Variants in MS4A15 observed in about 807,000 individuals in gnomAD.
MS4A15 encodes the protein membrane-spanning 4-domains subfamily A member 15.
MS4A15 carries 22 observed loss-of-function variants against 20.6 expected under a neutral mutation model. The observed-to-expected ratio is 1.07, with a 90% CI of 0.76 to 1.52. MS4A15 has a LOEUF of 1.52. Ranked by LOEUF, MS4A15 falls within the 40% of genes most tolerant of loss-of-function variation. MS4A15 has a pLI of 0.00. For synonymous variants in MS4A15, 129 were observed against 129.3 expected, an observed-to-expected ratio of 1.00 and a Z score of 0.02; for missense variants, 312 against 323.0, an observed-to-expected ratio of 0.97 and a Z score of 0.26.
intron 2 of MS4A15, among the ~76,000 whole-genome samples, chr11:60,766,656 A>C (rs753234491): frequency 2.4e-4 from 37 of 152,236 alleles, no homozygotes; most frequent in Non-Finnish European, 5.3e-4. Context: ...AGAGAAAAAG[A>C]AGCTGAAGAT....
intron 2 of MS4A15, 64 bp downstream of exon 2, chr11:60,764,022 T>C (rs1377994965): frequency 5.5e-6 from 8 of 1,445,596 alleles, no homozygotes; most frequent in African/African-American, 2.8e-5. Context: ...GGAACATTCA[T>C]GCATGTTTTG....
Position 60,759,002 on chromosome 11 carries a change from G to A in MS4A15, c.-29+1944G>A, listed in dbSNP as rs181437142. Among the ~76,000 whole-genome samples, 59 of 152,312 alleles carry A rather than the reference G, an allele frequency of 3.9e-4. No homozygotes were observed. The East Asian group carries it at 4.2e-3, about 11-fold the overall frequency. On this transcript the variant is annotated intron_variant, in intron 1 of 6. Transcript: ENST00000405633. ...ACATAGTTAGTGATTCCGCTTATGCGGTGTGTAGTATTACTCATTTAGATC... is the reference window on the plus strand; with the variant it reads ...ACATAGTTAGTGATTCCGCTTATGCAGTGTGTAGTATTACTCATTTAGATC...
Position 60,757,066 on chromosome 11 carries a change from A to T in MS4A15, c.-29+8A>T, listed in dbSNP as rs976110456. 8 of 152,240 alleles carry T rather than the reference A, an allele frequency of 5.3e-5. No individual in the cohort carries two copies. The highest frequency in any genetic ancestry group is 1.7e-4 in the African/African-American group (7 of 41,458). 9.4% of individuals were successfully genotyped at this position (152,240 alleles called of 1,614,324 possible). A position where few individuals can be genotyped will look rare whatever the true frequency, so the allele number is the denominator to read the frequency against. ...AATTTTCGGGGAATCCCGGTAAGGG[A>T]CAGTCCTGACTCCCGTCAGGAGGAT... On this transcript the variant is annotated splice_region_variant and intron_variant, in intron 1 of 6. Transcript: ENST00000405633.
chr11:60,770,651 T>C (rs972930913), intron 3 of MS4A15, among the ~76,000 whole-genome samples: 2 of 151,856 alleles, frequency 1.3e-5, no homozygotes, highest in East Asian at 3.9e-4. Flanking sequence ...CTGGTCTGCC[T>C]TATTCAACTC....
chr11:60,765,118 T>C (rs984249270), intron 2 of MS4A15, among the ~76,000 whole-genome samples: 1 of 152,130 alleles, frequency 6.6e-6, no homozygotes, highest in Non-Finnish European at 1.5e-5. Context: ...TCTGCCTTAT[T>C]TGGGCATGAT....
rs12363342 is a variant in MS4A15, at chr11:60,763,791, A to G, written c.58A>G (p.Ser20Gly). The G allele has an allele frequency of 0.36, 586,709 of 1,612,192 alleles. 109,979 individuals are homozygous for G. The highest frequency in any genetic ancestry group is 0.43 in the Middle Eastern group (2,013 of 4,704). The change falls in exon 2 of 7, where the codon AGT becomes GGT. Residue 20 changes from serine to glycine, a missense_variant. Physicochemically the swap from Ser to Gly is moderately conservative, Grantham distance 56. Transcript: ENST00000405633. The stretch of plus-strand genomic sequence containing the variant: ...TGTTGTCATCCCGCCAAACAACGCC[A>G]GTGGCCTCTGCCCACCTCCGGCCAT... ...VFVVIPPNNASGLCPPPAILP... is the reference protein window; with the variant it reads ...VFVVIPPNNAGGLCPPPAILP...
chr11:60,775,743 G>A lies in MS4A15; in HGVS notation c.*28G>A, dbSNP rs772555529. The stretch of plus-strand genomic sequence containing the variant: ...AGCAGATGTGGCACCTGCGGGTGGA[G>A]TCCAGCCTTTTCCCTCTGGGCCCAG... On this transcript the variant is annotated 3_prime_UTR_variant, in exon 7 of 7. Transcript: ENST00000405633. 30 of 1,584,358 alleles carry A rather than the reference G, an allele frequency of 1.9e-5. No individual in the cohort carries two copies. Among genetic ancestry groups the A allele is most frequent in the South Asian group, 4.4e-5 (4 of 90,098 alleles).
chr11:60,773,816 T>G, intron 5 of MS4A15, 21 bp from the exon 6 acceptor site: 1 of 1,604,794 alleles, frequency 6.2e-7, no homozygotes, highest in Non-Finnish European at 8.5e-7. Context: ...GGCTCACCTT[T>G]CTGTGGGTTT....
intron 2 of MS4A15, among the ~76,000 whole-genome samples, chr11:60,766,691 C>T (rs976511200): frequency 1.3e-5 from 2 of 152,180 alleles, no homozygotes; most frequent in Non-Finnish European, 2.9e-5. Context: ...CCATGAATAT[C>T]CAAATACTTG....
At chr11:60,764,929 A>G (rs1853845008) in intron 2 of MS4A15, among the ~76,000 whole-genome samples, 1 of 152,146 alleles carries the variant, frequency 6.6e-6, no homozygotes, top group Non-Finnish European at 1.5e-5. Context: ...GAAAAAGAAA[A>G]GCTTTAAACA....
chr11:60,759,617 T>C (rs1853682516), intron 1 of MS4A15, among the ~76,000 whole-genome samples: 2 of 151,938 alleles, frequency 1.3e-5, no homozygotes, highest in Non-Finnish European at 2.9e-5. Context: ...CACATGTCCC[T>C]GGGAATGGAA....
rs78444970 is a variant in MS4A15, at chr11:60,765,569, G to A, written c.225+1611G>A. On this transcript the variant is annotated intron_variant, in intron 2 of 6. Transcript: ENST00000405633. ...TCATCGTTCCTGTTGGACAGATTAC[G>A]AAACTGAGGTTTCTTAAGACTAAGT... 3.2e-3 allele frequency among the ~76,000 whole-genome samples: 485 copies of A among 152,262 alleles called. 11 individuals are homozygous for A. In the East Asian group the frequency reaches 0.06, roughly 19 times the overall value.
Position 60,771,339 on chromosome 11 carries a change from A to C in MS4A15, c.397A>C (p.Ser133Arg). The C allele has an allele frequency of 6.2e-7, 1 of 1,614,040 alleles. No homozygotes were observed. The highest frequency in any genetic ancestry group is 8.5e-7 in the Non-Finnish European group (1 of 1,179,996). The change falls in exon 4 of 7, where the codon AGT becomes CGT. Residue 133 changes from serine (S) to arginine (R), a missense_variant. Coordinates refer to ENST00000405633, the MANE Select transcript of MS4A15 (RefSeq NM_001098835.2). Reference protein sequence around the residue: ...LSVAAEKNHTSCLVRSSLGTN... With the variant: ...LSVAAEKNHTRCLVRSSLGTN... ...AGTGGCAGCCGAGAAGAACCACACC[A>C]GTTGCCTGGTGAGTGTGAACAGGGG...
chr11:60,759,876 G>A (rs1202788590), intron 1 of MS4A15, among the ~76,000 whole-genome samples: 1 of 151,998 alleles, frequency 6.6e-6, no homozygotes, highest in African/African-American at 2.4e-5. Flanking sequence ...CCATCACCCT[G>A]TTCACCCTGT....
chr11:60,771,161 C>A (rs1854025831), intron 3 of MS4A15, 130 bp from the exon 4 acceptor site: 2 of 1,001,806 alleles, frequency 2.0e-6, no homozygotes, highest in South Asian at 1.5e-5. Context: ...CCCCAAGGTG[C>A]CTGCCTGGCA....
intron 1 of MS4A15, among the ~76,000 whole-genome samples, chr11:60,760,433 T>C (rs1358531986): frequency 6.6e-6 from 1 of 151,828 alleles, no homozygotes; most frequent in African/African-American, 2.4e-5. Context: ...GGCAAACTGA[T>C]GTTACTCAGT....
At chr11:60,769,011 C>T (rs112099806) in intron 3 of MS4A15, among the ~76,000 whole-genome samples, 1 of 152,108 alleles carries the variant, frequency 6.6e-6, no homozygotes, top group African/African-American at 2.4e-5. Context: ...TTTGAATGGT[C>T]CCCCTGACCT....
At chr11:60,775,322 A>AATAAAAG (rs1854161711) in intron 6 of MS4A15, among the ~76,000 whole-genome samples, 1 of 147,700 alleles carries the variant, frequency 6.8e-6, no homozygotes, top group Admixed American at 6.7e-5. Context: ...TGTCTCAAAA[A>AATAAAAG]AAAAAAGAAA....
chr11:60,768,759 C>T (rs1322282901), intron 3 of MS4A15, among the ~76,000 whole-genome samples: 2 of 152,186 alleles, frequency 1.3e-5, no homozygotes, highest in African/African-American at 4.8e-5. Context: ...AATTCTGCAC[C>T]AAATGGTGAC....
Sources: allele counts gnomAD v4.1 joint callset (sites outside exome capture counted in the v4.1 genomes callset), GRCh38; gene constraint gnomAD v4.1.1; transcripts MANE v1.5; gene names NCBI Gene and HGNC (gene_info 2026-07-23, HGNC 2026-07-21).